Variants in ADAMTSL3 observed in about 807,000 individuals in gnomAD.
ADAMTSL3 encodes ADAMTS like 3.
ADAMTSL3 carries 128 observed loss-of-function variants against 201.7 expected under a neutral mutation model. The observed-to-expected ratio is 0.63, with a 90% CI of 0.55 to 0.73. The LOEUF (loss-of-function observed/expected upper bound fraction) is 0.73. Ranked by LOEUF, ADAMTSL3 falls within the 30% of genes least tolerant of loss-of-function variation. ADAMTSL3 has a pLI of 0.00. For synonymous variants in ADAMTSL3, 738 were observed against 748.4 expected (o/e 0.99, Z 0.23); for missense variants, 1,990 against 2,119.6 (o/e 0.94, Z 1.20).
intron 27 of ADAMTSL3, 102 bp downstream of exon 27, chr15:84,025,538 C>T: frequency 8.9e-7 from 1 of 1,129,690 alleles, no homozygotes; most frequent in Admixed American, 2.6e-5. Flanking sequence ...GGGCGGGGGG[C>T]AGGAATCTGA....
At chr15:83,862,448 G>C (rs1165519157) in intron 8 of ADAMTSL3, 1 of 152,208 alleles carries the variant, frequency 6.6e-6, no homozygotes, top group Non-Finnish European at 1.5e-5. Context: ...AGCCAGAAGA[G>C]AGTGGGGGCC....
intron 13 of ADAMTSL3, among the ~76,000 whole-genome samples, chr15:83,893,103 A>G (rs1487386237): frequency 1.3e-5 from 2 of 152,120 alleles, no homozygotes; most frequent in Non-Finnish European, 2.9e-5. Context: ...TAAGGACATT[A>G]ATAATAATAT....
intron 2 of ADAMTSL3, among the ~76,000 whole-genome samples, chr15:83,683,058 C>T (rs532296560): frequency 6.6e-6 from 1 of 152,222 alleles, no homozygotes; most frequent in Admixed American, 6.5e-5. Context: ...TGGACTTTGG[C>T]CACAAATTCA....
chr15:84,026,767 GA>G (rs970828632), intron 27 of ADAMTSL3, among the ~76,000 whole-genome samples: 2 of 151,958 alleles, frequency 1.3e-5, no homozygotes, highest in Non-Finnish European at 2.9e-5. Context: ...CACCACATAC[GA>G]AAAAATAAAA....
chr15:83,824,386 C>G (rs894569920), intron 6 of ADAMTSL3, among the ~76,000 whole-genome samples: 1 of 151,990 alleles, frequency 6.6e-6, no homozygotes, highest in Non-Finnish European at 1.5e-5. Flanking sequence ...TCCCATAGGA[C>G]CCCCCTGCTT....
At chr15:83,807,835 C>T (rs956083622) in intron 5 of ADAMTSL3, among the ~76,000 whole-genome samples, 2 of 152,206 alleles carry the variant, frequency 1.3e-5, no homozygotes, top group Non-Finnish European at 2.9e-5. Context: ...AATAAGTCCA[C>T]ATACCTACAG....
At chr15:83,807,893 C>A (rs546674849) in intron 5 of ADAMTSL3, among the ~76,000 whole-genome samples, 1 of 152,164 alleles carries the variant, frequency 6.6e-6, no homozygotes, top group African/African-American at 2.4e-5. Context: ...GGGGAAAGGA[C>A]AGTGTCTTCA....
intron 3 of ADAMTSL3, among the ~76,000 whole-genome samples, chr15:83,768,837 G>A (rs2062932260): frequency 6.6e-6 from 1 of 152,180 alleles, no homozygotes; most frequent in Admixed American, 6.5e-5. Context: ...GTGGAAATCT[G>A]GGATATTATT....
intron 26 of ADAMTSL3, 30 bp downstream of exon 26, chr15:84,021,623 A>G: frequency 6.2e-7 from 1 of 1,600,752 alleles, no homozygotes; most frequent in Non-Finnish European, 8.5e-7. Context: ...GTATCTCATC[A>G]ACACCAAGTT....
intron 8 of ADAMTSL3, among the ~76,000 whole-genome samples, chr15:83,867,799 T>C (rs1158534113): frequency 1.3e-5 from 2 of 152,188 alleles, no homozygotes; most frequent in Non-Finnish European, 2.9e-5. Flanking sequence ...TGACCCTGCC[T>C]TTTTTGAAAG....
chr15:83,703,821 G>A (rs1031217811), intron 2 of ADAMTSL3, among the ~76,000 whole-genome samples: 6 of 152,040 alleles, frequency 3.9e-5, no homozygotes, highest in Admixed American at 2.0e-4. Context: ...TTTAAACAAA[G>A]CATTATGAAG....
chr15:83,742,817 G>A (rs748103936), intron 3 of ADAMTSL3, among the ~76,000 whole-genome samples: 11 of 151,966 alleles, frequency 7.2e-5, no homozygotes, highest in Non-Finnish European at 1.3e-4. Context: ...CACCTTCTTC[G>A]GTCTGTGTTT....
At chr15:83,871,666 C>T (rs1006858201) in intron 9 of ADAMTSL3, among the ~76,000 whole-genome samples, 1 of 152,134 alleles carries the variant, frequency 6.6e-6, no homozygotes, top group African/African-American at 2.4e-5. Flanking sequence ...GAGCCTGTGT[C>T]CCCTCTCTGG....
intron 3 of ADAMTSL3, chr15:83,740,057 GC>G (rs1308149751): frequency 3.0e-6 from 1 of 329,636 alleles, no homozygotes; most frequent in Non-Finnish European, 6.5e-6. Context: ...CCTGAGCATT[GC>G]ATCACAGGTA....
chr15:83,821,955 G>A (rs2063877414), intron 6 of ADAMTSL3, among the ~76,000 whole-genome samples: 1 of 148,370 alleles, frequency 6.7e-6, no homozygotes, highest in East Asian at 2.1e-4. Flanking sequence ...GCCGGGCAGA[G>A]GCGCCCCTCA....
At chr15:83,690,430 G>A (rs1326076852) in intron 2 of ADAMTSL3, among the ~76,000 whole-genome samples, 3 of 151,970 alleles carry the variant, frequency 2.0e-5, no homozygotes, top group Non-Finnish European at 2.9e-5. Flanking sequence ...GTTGCCCCCC[G>A]TCTCCTGTCC....
intron 5 of ADAMTSL3, among the ~76,000 whole-genome samples, chr15:83,806,602 C>T (rs1270137116): frequency 6.6e-6 from 1 of 152,240 alleles, no homozygotes; most frequent in Admixed American, 6.5e-5. Context: ...GTCTGTAATC[C>T]CAGCACTTTG....
chr15:84,013,078 C>T (rs1426991642), intron 23 of ADAMTSL3, among the ~76,000 whole-genome samples: 1 of 152,118 alleles, frequency 6.6e-6, no homozygotes, highest in Non-Finnish European at 1.5e-5. Flanking sequence ...TACTTCAGTG[C>T]CAATATCAGT....
At chr15:83,718,845 T>A (rs2062056629) in intron 3 of ADAMTSL3, among the ~76,000 whole-genome samples, 1 of 152,138 alleles carries the variant, frequency 6.6e-6, no homozygotes, top group African/African-American at 2.4e-5. Flanking sequence ...AATCAACTCA[T>A]TACATTGAAA....
Sources: gnomAD v4.1 joint callset for allele counts (sites outside exome capture counted in the v4.1 genomes callset) on GRCh38, gnomAD v4.1.1 for gene constraint, MANE v1.5 for transcripts, NCBI Gene and HGNC (gene_info 2026-07-23, HGNC 2026-07-21) for gene names.